The following SLC19A3 variants were observed in gnomAD, a reference collection of about 807,000 sequenced individuals.
SLC19A3 encodes thiamine transporter 2.
Under a neutral mutation model 40.2 loss-of-function variants are expected in SLC19A3, and 31 were observed. The observed-to-expected ratio is 0.77, with a 90% confidence interval of 0.58 to 1.04. The LOEUF is 1.04. Ranked by LOEUF, SLC19A3 falls within the 50% of genes least tolerant of loss-of-function variation. The pLI is 0.00. For missense variants in SLC19A3, 592 were observed against 596.7 expected, an observed-to-expected ratio of 0.99 and a Z score of 0.08; for synonymous variants, 212 against 227.5, an observed-to-expected ratio of 0.93 and a Z score of 0.61.
In SLC19A3 at chr2:227,698,069, C is replaced by T. The variant is rs955337282; in HGVS notation, c.979+667G>A. On this transcript the variant is annotated intron_variant, in intron 3 of 5. Transcript: ENST00000644224. ...ATTCCAGCTTGGTGACAGAGTGAGGCTCTGTCTCAAAAAATAAAAAAGTTA... is the reference window on the plus strand; with the variant it reads ...ATTCCAGCTTGGTGACAGAGTGAGGTTCTGTCTCAAAAAATAAAAAAGTTA... Among the ~76,000 whole-genome samples, 6 of 152,114 alleles carry T rather than the reference C, an allele frequency of 3.9e-5. No individual in the cohort carries two copies. In the East Asian group the frequency reaches 1.2e-3, roughly 30 times the overall value.
chr2:227,689,406 C>G (rs896724013), intron 4 of SLC19A3, among the ~76,000 whole-genome samples: 8 of 152,158 alleles, frequency 5.3e-5, no homozygotes, highest in African/African-American at 1.9e-4. Flanking sequence ...GCTCCAATGT[C>G]TGGCAGCAGT....
intron 1 of SLC19A3, 75 bp downstream of exon 1, chr2:227,717,868 A>C: frequency 1.0e-6 from 1 of 972,236 alleles, no homozygotes; most frequent in Non-Finnish European, 1.2e-6. Flanking sequence ...AAACCCGGGA[A>C]GAGAGAGGCG....
rs62191374 is a variant in SLC19A3, at chr2:227,698,631, C to T, written c.979+105G>A. 47,142 of 1,044,818 alleles carry T rather than the reference C, an allele frequency of 0.045. 1,135 individuals carry two copies. The highest frequency in any genetic ancestry group is 0.054 in the Middle Eastern group (182 of 3,360). The allele number at this position is 1,044,818 out of a possible 1,614,324, so 64.7% of individuals were successfully genotyped here. ...TCATTCTTGACTGAAAAAAGTTATG[C>T]TTCCTTCTGAACAGAGCTAATTCGC... On this transcript the variant is annotated intron_variant, in intron 3 of 5. Transcript: ENST00000644224.
Position 227,701,387 on chromosome 2 carries a change from C to T in SLC19A3, c.150+782G>A, listed in dbSNP as rs541457231. The T allele has an allele frequency of 3.1e-3, 559 of 177,524 alleles. 4 individuals are homozygous for T. Among genetic ancestry groups the T allele is most frequent in the African/African-American group, 0.012 (521 of 41,932 alleles). The allele number at this position is 177,524 out of a possible 1,614,324, so 11.0% of individuals were successfully genotyped here. A position where few individuals can be genotyped will look rare whatever the true frequency, so the allele number is the denominator to read the frequency against. The stretch of plus-strand genomic sequence containing the variant: ...CTGTAATCCCAGCATTTTGGGAGGC[C>T]GAGGCGGGTGGATCTCTTGAGGCCA... On this transcript the variant is annotated intron_variant, in intron 2 of 5. Transcript: ENST00000644224.
intron 1 of SLC19A3, chr2:227,706,576 G>C: frequency 1.4e-6 from 1 of 696,080 alleles, no homozygotes; most frequent in Non-Finnish European, 1.9e-6. Flanking sequence ...TTCAAGACTA[G>C]CCTGGCCAAC....
In SLC19A3 at chr2:227,688,276, G is replaced by C. The variant is rs150523975; in HGVS notation, c.1204C>G (p.Arg402Gly). The change falls in exon 5 of 6, where the codon CGC becomes GGC. Residue 402 changes from arginine (R) to glycine (G), a missense_variant. Coordinates refer to ENST00000644224, the MANE Select transcript of SLC19A3 (RefSeq NM_025243.4). The stretch of plus-strand genomic sequence containing the variant: ...TTGATTCCAAATACCAAGGCATAGC[G>C]TTCCACATTCAGATTAACTGCAATC... ...FQIAVNLNVE[R>G]YALVFGINTF... is the part of the protein sequence containing the mutation. 9 of 1,613,786 alleles carry C rather than the reference G, an allele frequency of 5.6e-6. No individual in the cohort carries two copies. The highest frequency in any genetic ancestry group is 4.0e-5 in the African/African-American group (3 of 74,902).
rs1195203951 is a variant in SLC19A3, at chr2:227,703,715, G to C, written c.-2-1395C>G. The stretch of plus-strand genomic sequence containing the variant: ...CTTATAGAAATGGCTGTCCTGGACA[G>C]GTGATCACTGAGGCTTGGTCATCTT... On this transcript the variant is annotated intron_variant, in intron 1 of 5. Transcript: ENST00000644224. This position sits in a 1 kb window ranked among gnomAD's most constrained non-coding sequence, Gnocchi z 4.7. Among the ~76,000 whole-genome samples, 1 of 152,160 alleles carries C rather than the reference G, an allele frequency of 6.6e-6. No homozygotes were observed. The highest frequency in any genetic ancestry group is 1.5e-5 in the Non-Finnish European group (1 of 68,042).
chr2:227,708,131 A>G (rs922239501), intron 1 of SLC19A3, among the ~76,000 whole-genome samples: 3 of 152,102 alleles, frequency 2.0e-5, no homozygotes, highest in Non-Finnish European at 4.4e-5. Context: ...CAGCCTTTTG[A>G]AAAAAACTCT....
intron 3 of SLC19A3, among the ~76,000 whole-genome samples, chr2:227,696,402 C>T (rs1695438930): frequency 6.6e-6 from 1 of 152,182 alleles, no homozygotes; most frequent in Non-Finnish European, 1.5e-5. Flanking sequence ...GATACATTAA[C>T]CTAGTCACTC....
rs898880170 is a variant in SLC19A3 at position 227,699,227 on chromosome 2, G to T, written c.488C>A (p.Ser163Tyr). Residue 163 changes from serine (S) to tyrosine (Y), a missense_variant, in exon 3 of 6, where the codon TCC becomes TAC. Ser to Tyr is a moderately radical substitution (Grantham distance 144). Transcript: ENST00000644224. Reference protein sequence around the residue: ...AGSVLAQLLVSLANMSYFYLN... With the variant: ...AGSVLAQLLVYLANMSYFYLN... Reference sequence around the variant, plus strand: ...GTAAAAGTACGACATGTTCGCCAGGGATACCAAGAGTTGAGCCAGCACCGA... The same window carrying T: ...GTAAAAGTACGACATGTTCGCCAGGTATACCAAGAGTTGAGCCAGCACCGA... The T allele has an allele frequency of 2.5e-5, 41 of 1,614,104 alleles. No homozygotes were observed. Among genetic ancestry groups the T allele is most frequent in the Non-Finnish European group, 3.4e-5 (40 of 1,180,000 alleles).
chr2:227,693,561 C>T (rs1324921747), intron 4 of SLC19A3, among the ~76,000 whole-genome samples: 5 of 152,098 alleles, frequency 3.3e-5, no homozygotes, highest in Admixed American at 3.3e-4. Flanking sequence ...AAAGTAGACC[C>T]CTATCTCTCA....
At chr2:227,694,576 T>G (rs7568497) in intron 4 of SLC19A3, among the ~76,000 whole-genome samples, 6,257 of 152,302 alleles carry the variant, frequency 0.041, 423 homozygotes, top group African/African-American at 0.14. Flanking sequence ...TCATGCAATT[T>G]GAAATTCAAA....
intron 3 of SLC19A3, among the ~76,000 whole-genome samples, chr2:227,697,872 T>C (rs113518834): frequency 0.041 from 6,193 of 151,892 alleles, 333 homozygotes; most frequent in African/African-American, 0.12. Context: ...GGTCAAGAGA[T>C]TGAGACCATC....
chr2:227,702,178 G>T lies in SLC19A3; in HGVS notation c.141C>A (p.Thr47=), dbSNP rs145710386. Residue 47 remains threonine, a synonymous_variant, in exon 2 of 6, where the codon ACC becomes ACA. Transcript: ENST00000644224. The part of the protein sequence containing the change: ...PYLSGPDKNL[T]SAEITNEIFP... ...ATGTATGTTAACTTACCTCTGCACT[G>T]GTCAGGTTTTTATCTGGTCCAGATA... 5.6e-6 allele frequency: 9 copies of T among 1,613,226 alleles called. No individual in the cohort carries two copies. The African/African-American group carries it at 1.1e-4, about 19-fold the overall frequency.
chr2:227,687,147 T>C lies in SLC19A3; in HGVS notation c.*250A>G. 2.6e-6 allele frequency: 1 copy of C among 379,472 alleles called. No homozygotes were observed. Among genetic ancestry groups the C allele is most frequent in the Non-Finnish European group, 4.7e-6 (1 of 210,628 alleles). 23.5% of individuals were successfully genotyped at this position (379,472 alleles called of 1,614,324 possible). A position where few individuals can be genotyped will look rare whatever the true frequency, so the allele number is the denominator to read the frequency against. Reference sequence around the variant, plus strand: ...ATAAAAACCAGAATTTTCCAGCTGCTACTAGTCACAGGGGGTCCCCAATAT... The same window carrying C: ...ATAAAAACCAGAATTTTCCAGCTGCCACTAGTCACAGGGGGTCCCCAATAT... On this transcript the variant is annotated 3_prime_UTR_variant, in exon 6 of 6. Transcript: ENST00000644224.
intron 4 of SLC19A3, 122 bp from the exon 5 acceptor site, chr2:227,688,429 C>A: frequency 1.2e-6 from 1 of 811,246 alleles, no homozygotes; most frequent in African/African-American, 1.7e-5. Flanking sequence ...GGTAGTCCAG[C>A]AAAGAGAGAG....
chr2:227,704,532 T>C (rs1299117938), intron 1 of SLC19A3, among the ~76,000 whole-genome samples: 2 of 152,304 alleles, frequency 1.3e-5, no homozygotes, highest in East Asian at 1.9e-4. Flanking sequence ...TTTGTGCTCA[T>C]TTTCACCTTT....
chr2:227,694,396 T>C (rs1201208653), intron 4 of SLC19A3, among the ~76,000 whole-genome samples: 1 of 152,198 alleles, frequency 6.6e-6, no homozygotes. Context: ...AGATACATGA[T>C]TCTGATTAAA....
Position 227,708,217 on chromosome 2 carries a change from A to G in SLC19A3, c.-2-5897T>C, listed in dbSNP as rs142203299. The stretch of plus-strand genomic sequence containing the variant: ...TTTTTTTAATCTCCCACAAAAGTTA[A>G]CTTGTATTTTGACTATGAATGAATT... On this transcript the variant is annotated intron_variant, in intron 1 of 5. Coordinates refer to ENST00000644224, the MANE Select transcript of SLC19A3 (RefSeq NM_025243.4). 1.8e-3 allele frequency among the ~76,000 whole-genome samples: 273 copies of G among 152,088 alleles called. 1 individual carries two copies. Among genetic ancestry groups the G allele is most frequent in the Admixed American group, 7.3e-3 (112 of 15,268 alleles).
Sources: gnomAD v4.1 joint callset for allele counts (sites outside exome capture counted in the v4.1 genomes callset) on GRCh38, gnomAD v4.1.1 for gene constraint, Gnocchi (gnomAD v3.1) non-coding constraint, MANE v1.5 for transcripts, NCBI Gene and HGNC (gene_info 2026-07-23, HGNC 2026-07-21) for gene names.